Variants in TSR3 observed in about 807,000 individuals in gnomAD.
TSR3 encodes TSR3 ribosome maturation factor.
In TSR3, 31 loss-of-function variants were observed where a neutral mutation model predicts 28.1. That is an observed-to-expected ratio of 1.10 (90% CI 0.83 to 1.49). The LOEUF (loss-of-function observed/expected upper bound fraction) is 1.49. TSR3 is among the 40% of genes most tolerant of loss of function. The pLI, the probability that TSR3 is intolerant of heterozygous loss-of-function variation, is 0.00. For synonymous variants in TSR3, 219 were observed against 197.2 expected (o/e 1.11, Z -0.93); for missense variants, 511 against 444.0 (o/e 1.15, Z -1.36).
intron 2 of TSR3, 135 bp from the exon 3 acceptor site, chr16:1,351,135 G>C: frequency 9.3e-7 from 1 of 1,071,940 alleles, no homozygotes; most frequent in Non-Finnish European, 1.3e-6. Flanking sequence ...GACTTCACGA[G>C]CAAGCTTTTG....
In TSR3 at chr16:1,349,573, T is replaced by C. The variant is rs541645850; in HGVS notation, c.803A>G (p.Glu268Gly). The C allele has an allele frequency of 6.2e-6, 10 of 1,611,672 alleles. No individual in the cohort carries two copies. The East Asian group carries it at 2.2e-4, about 36-fold the overall frequency. ...PSDTDDSDAS[E>G]DPGPGAERGG... The stretch of plus-strand genomic sequence containing the variant: ...GCGCTCGGCGCCAGGCCCTGGGTCC[T>C]CAGACGCATCACTGTCATCAGTGTC... Residue 268 changes from glutamate (E) to glycine (G), a missense_variant, in exon 6 of 6, where the codon GAG becomes GGG. Glu to Gly is a moderately conservative substitution (Grantham distance 98, BLOSUM62 -2). Coordinates refer to ENST00000007390, the MANE Select transcript of TSR3 (RefSeq NM_001001410.3).
intron 4 of TSR3, 42 bp downstream of exon 4, chr16:1,350,016 C>A: frequency 1.2e-6 from 2 of 1,610,848 alleles, no homozygotes; most frequent in South Asian, 1.1e-5. Context: ...TCCCACCCCC[C>A]AGGCTTTGGA....
rs367737359 is a variant in TSR3 at position 1,350,059 on chromosome 16, G to A, written c.702C>T (p.Ile234=). 9.3e-6 allele frequency: 15 copies of A among 1,607,440 alleles called. No individual in the cohort carries two copies. The highest frequency in any genetic ancestry group is 1.7e-5 in the Admixed American group (1 of 59,670). ...GGTTCCCACCCCGCCAAGGCTCACC[G>A]ATCTCCTCCTCCTGGGGGCTCTCCT... is the stretch of plus-strand genomic sequence containing the variant. ...NAKESPQEEE[I]DPFDVDSGRE... The change falls in exon 4 of 6, where the codon ATC becomes ATT. Residue 234 remains isoleucine (I), a splice_region_variant and synonymous_variant. Coordinates refer to ENST00000007390, the MANE Select transcript of TSR3 (RefSeq NM_001001410.3).
chr16:1,350,307 CG>C, intron 3 of TSR3, 73 bp from the exon 4 acceptor site: 1 of 1,463,978 alleles, frequency 6.8e-7, no homozygotes, highest in Non-Finnish European at 9.1e-7. Flanking sequence ...ACCCTGCTGC[CG>C]GATGGCGGCG....
intron 3 of TSR3, 34 bp from the exon 4 acceptor site, chr16:1,350,268 T>TCGA: frequency 1.3e-6 from 2 of 1,559,220 alleles, no homozygotes; most frequent in Non-Finnish European, 1.7e-6. Context: ...CCCAAAGAAG[T>TCGA]CGACGGTCCC....
At chr16:1,351,237 C>G in intron 2 of TSR3, 142 bp downstream of exon 2, 2 of 1,042,612 alleles carry the variant, frequency 1.9e-6, no homozygotes, top group Non-Finnish European at 2.7e-6. Flanking sequence ...CTCTGCGCTA[C>G]GCAACGGAGG....
Position 1,351,482 on chromosome 16 carries a change from T to C in TSR3, c.229A>G (p.Lys77Glu), listed in dbSNP as rs1457498222. 6.3e-7 allele frequency: 1 copy of C among 1,576,052 alleles called. No homozygotes were observed. Among genetic ancestry groups the C allele is most frequent in the Non-Finnish European group, 8.6e-7 (1 of 1,169,496 alleles). ...HCDPRRCTGR[K>E]LARLGLVRCL... ...CGCACCAGCCCCAGGCGGGCCAGCT[T>C]GCGGCCCGTGCAGCGCCGGGGGTCG... Residue 77 changes from lysine to glutamate, a missense_variant, in exon 2 of 6, where the codon AAG becomes GAG. Physicochemically the swap from Lys to Glu is moderately conservative, Grantham distance 56. Transcript: ENST00000007390.
intron 5 of TSR3, 103 bp downstream of exon 5, chr16:1,349,786 G>A (rs943005861): frequency 3.4e-6 from 5 of 1,465,246 alleles, no homozygotes; most frequent in African/African-American, 2.8e-5. Context: ...GACCATCGGG[G>A]TGTTGTTTAC....
chr16:1,350,920 C>A lies in TSR3; in HGVS notation c.413G>T (p.Arg138Leu). The change falls in exon 3 of 6, where the codon CGA becomes CTA. Residue 138 changes from arginine (R) to leucine (L), a missense_variant. Transcript: ENST00000007390. ...GGGCAACAGGCGCAAGTGGCTCCCTCGCATCTTCCCAAACGGTGTCTCGTC... is the reference window on the plus strand; with the variant it reads ...GGGCAACAGGCGCAAGTGGCTCCCTAGCATCTTCCCAAACGGTGTCTCGTC... ...RLDETPFGKMRGSHLRLLPYL... is the reference protein window; with the variant it reads ...RLDETPFGKMLGSHLRLLPYL... 1 of 1,612,954 alleles carries A rather than the reference C, an allele frequency of 6.2e-7. No individual in the cohort carries two copies. The highest frequency in any genetic ancestry group is 1.1e-5 in the South Asian group (1 of 91,088).
chr16:1,350,803 T>C lies in TSR3; in HGVS notation c.526+4A>G, dbSNP rs1398094156. The C allele has an allele frequency of 6.2e-7, 1 of 1,610,906 alleles. No homozygotes were observed. The highest frequency in any genetic ancestry group is 1.3e-5 in the African/African-American group (1 of 74,864). Reference sequence around the variant, plus strand: ...TCACACTGCTGTGGGGCCCCTGGACTCACCTACGATGCAGAAGGTGGCAGC... The same window carrying C: ...TCACACTGCTGTGGGGCCCCTGGACCCACCTACGATGCAGAAGGTGGCAGC... On this transcript the variant is annotated splice_donor_region_variant and intron_variant, in intron 3 of 5. Transcript: ENST00000007390.
rs2034602662 is a variant in TSR3, at chr16:1,349,430, G to C, written c.*7C>G. 2 of 1,613,608 alleles carry C rather than the reference G, an allele frequency of 1.2e-6. No individual in the cohort carries two copies. Among genetic ancestry groups the C allele is most frequent in the Non-Finnish European group, 1.7e-6 (2 of 1,179,862 alleles). On this transcript the variant is annotated 3_prime_UTR_variant, in exon 6 of 6. Transcript: ENST00000007390. ...CCCAGCCTCAAAAATATATGTGTCTGCAACCCTCAGTCTCTCTGCCGTTTC... is the reference window on the plus strand; with the variant it reads ...CCCAGCCTCAAAAATATATGTGTCTCCAACCCTCAGTCTCTCTGCCGTTTC...
Position 1,350,700 on chromosome 16 carries a change from C to T in TSR3, c.526+107G>A, listed in dbSNP as rs565298181. 1.3e-4 allele frequency: 177 copies of T among 1,312,210 alleles called. 1 individual carries two copies. The highest frequency in any genetic ancestry group is 1.7e-4 in the Non-Finnish European group (162 of 937,188). The allele number at this position is 1,312,210 out of a possible 1,614,324, so 81.3% of individuals were successfully genotyped here. On this transcript the variant is annotated intron_variant, in intron 3 of 5. Transcript: ENST00000007390. Reference sequence around the variant, plus strand: ...GGTCTGTCTGAACTGTTCCCCTGTCCGTCCCTTATGCTCCTCCTGGGGTCT... The same window carrying T: ...GGTCTGTCTGAACTGTTCCCCTGTCTGTCCCTTATGCTCCTCCTGGGGTCT...
At position 1,351,788 on chromosome 16, in the gene TSR3, G is replaced by A; in HGVS notation, c.17C>T (p.Ala6Val). The A allele has an allele frequency of 1.5e-6, 2 of 1,335,990 alleles. No homozygotes were observed. Among genetic ancestry groups the A allele is most frequent in the Admixed American group, 4.1e-5 (1 of 24,436 alleles). 82.8% of individuals were successfully genotyped at this position (1,335,990 alleles called of 1,614,324 possible). A position where few individuals can be genotyped will look rare whatever the true frequency, so the allele number is the denominator to read the frequency against. Reference sequence around the variant, plus strand: ...GCCTTCCGCCCCCGGCCCGCGCGCTGCCCTCCTGCGGCCCATGGCGCGGAC... The same window carrying A: ...GCCTTCCGCCCCCGGCCCGCGCGCTACCCTCCTGCGGCCCATGGCGCGGAC... MGRRR[A>V]ARGPGAEGGR... The change falls in exon 1 of 6, where the codon GCA (alanine) becomes GTA (valine). Residue 6 changes from alanine (A) to valine (V), a missense_variant. Coordinates refer to ENST00000007390, the MANE Select transcript of TSR3 (RefSeq NM_001001410.3).
intron 4 of TSR3, 42 bp downstream of exon 4, chr16:1,350,016 C>T (rs760581168): frequency 1.9e-6 from 3 of 1,610,848 alleles, no homozygotes; most frequent in Non-Finnish European, 2.5e-6. Context: ...TCCCACCCCC[C>T]AGGCTTTGGA....
Position 1,349,556 on chromosome 16 carries a change from C to T in TSR3, c.820G>A (p.Ala274Thr), listed in dbSNP as rs202213592. 1.6e-5 allele frequency: 26 copies of T among 1,613,044 alleles called. No individual in the cohort carries two copies. In the East Asian group the frequency reaches 3.1e-4, roughly 19 times the overall value. Residue 274 changes from alanine (A) to threonine (T), a missense_variant, in exon 6 of 6, where the codon GCC becomes ACC. Transcript: ENST00000007390. Reference protein sequence around the residue: ...SDASEDPGPGAERGGASSSCC... With the variant: ...SDASEDPGPGTERGGASSSCC... ...CTGCTGCTGGCTCCTCCGCGCTCGG[C>T]GCCAGGCCCTGGGTCCTCAGACGCA... is the stretch of plus-strand genomic sequence containing the variant.
rs2034631785 is a variant in TSR3, at chr16:1,350,167, G to A, written c.594C>T (p.Asn198=). Residue 198 remains asparagine (N), a synonymous_variant, in exon 4 of 6, where the codon AAC becomes AAT. Transcript: ENST00000007390. ...FKWGKGFLDL[N]RQLLDKYAAC... Reference sequence around the variant, plus strand: ...CCGCGTACTTGTCCAGGAGCTGGCGGTTCAGGTCCAAGAAGCCCTTGCCCC... The same window carrying A: ...CCGCGTACTTGTCCAGGAGCTGGCGATTCAGGTCCAAGAAGCCCTTGCCCC... 2.5e-6 allele frequency: 4 copies of A among 1,611,190 alleles called. No homozygotes were observed. In the East Asian group the frequency reaches 8.9e-5, roughly 36 times the overall value.
chr16:1,350,341 C>T, intron 3 of TSR3, 107 bp from the exon 4 acceptor site: 2 of 1,216,778 alleles, frequency 1.6e-6, no homozygotes, highest in South Asian at 1.5e-5. Flanking sequence ...ACCGCAGGGT[C>T]CCCAGCAAAC....
At chr16:1,350,766 C>T in intron 3 of TSR3, 41 bp downstream of exon 3, 1 of 1,588,418 alleles carries the variant, frequency 6.3e-7, no homozygotes, top group Non-Finnish European at 8.6e-7. Context: ...GCAGGAACAG[C>T]AGGCCGCCGG....
rs1433016768 is a variant in TSR3, at chr16:1,351,338, C to T, written c.332+41G>A. The T allele has an allele frequency of 1.9e-6, 3 of 1,546,022 alleles. No homozygotes were observed. In the African/African-American group the frequency reaches 4.1e-5, roughly 21 times the overall value. Reference sequence around the variant, plus strand: ...AACCATCCCTGAAGGGAACCACGCGCTGGAAATGAAGACGACCTCGGGCAG... The same window carrying T: ...AACCATCCCTGAAGGGAACCACGCGTTGGAAATGAAGACGACCTCGGGCAG... On this transcript the variant is annotated intron_variant, in intron 2 of 5. Transcript: ENST00000007390.
Sources: allele counts gnomAD v4.1 joint callset, GRCh38; gene constraint gnomAD v4.1.1; transcripts MANE v1.5; gene names NCBI Gene and HGNC (gene_info 2026-07-23, HGNC 2026-07-21).